PREX1: variants seen among roughly 807,000 people sequenced by gnomAD.
PREX1 encodes the protein phosphatidylinositol 3,4,5-trisphosphate-dependent Rac exchanger 1 protein.
A neutral mutation model predicts 198.3 loss-of-function variants in PREX1; 41 were observed. The observed-to-expected ratio is 0.21, with a 90% CI of 0.16 to 0.27. PREX1 has a LOEUF of 0.27. Ranked by LOEUF, PREX1 falls within the 10% of genes least tolerant of loss-of-function variation. The probability of loss-of-function intolerance (pLI) is 1.00; values close to 1 mark genes in which losing one functional copy is unlikely to be tolerated. For synonymous variants in PREX1, 843 were observed against 887.2 expected (o/e 0.95, Z 0.89); for missense variants, 1,620 against 2,200.7 (o/e 0.74, Z 5.28).
chr20:48,727,949 G>A (rs1166294094), intron 4 of PREX1, among the ~76,000 whole-genome samples: 1 of 152,184 alleles, frequency 6.6e-6, no homozygotes, highest in Non-Finnish European at 1.5e-5. Flanking sequence ...TCCCTGCCAT[G>A]CCCTTCACAG....
At chr20:48,757,271 AC>A (rs2090159579) in intron 1 of PREX1, among the ~76,000 whole-genome samples, 1 of 150,508 alleles carries the variant, frequency 6.6e-6, no homozygotes, top group South Asian at 2.2e-4. Flanking sequence ...CTGTTTCTTC[AC>A]TTACAGTTCC....
chr20:48,819,075 A>G (rs1286019378), intron 1 of PREX1, among the ~76,000 whole-genome samples: 1 of 152,204 alleles, frequency 6.6e-6, no homozygotes, highest in Admixed American at 6.5e-5. Context: ...CGGTACACCC[A>G]TTCCTCTCTG....
rs966478861 is a variant in PREX1, at chr20:48,670,401, C to A, written c.1666-4046G>T. On this transcript the variant is annotated intron_variant, in intron 14 of 39. Transcript: ENST00000371941. ...GCATTCCAGGTGCATTTCTGCAGAG[C>A]CAGCATGGGAGCATGCAGATCTGTG... Among the ~76,000 whole-genome samples the A allele has an allele frequency of 7.9e-5, 12 of 152,134 alleles. No individual in the cohort carries two copies. In the South Asian group the frequency reaches 2.1e-3, roughly 26 times the overall value.
At chr20:48,806,180 T>C (rs1480671607) in intron 1 of PREX1, among the ~76,000 whole-genome samples, 2 of 152,126 alleles carry the variant, frequency 1.3e-5, no homozygotes, top group African/African-American at 4.8e-5. Context: ...TATGTCCCCT[T>C]TGGGGGAGGG....
At chr20:48,800,550 G>A (rs2090381900) in intron 1 of PREX1, among the ~76,000 whole-genome samples, 1 of 152,146 alleles carries the variant, frequency 6.6e-6, no homozygotes, top group African/African-American at 2.4e-5. Context: ...GTCCTGTGAG[G>A]TGGGAGCTTT....
chr20:48,823,876 A>G (rs563396395), intron 1 of PREX1, among the ~76,000 whole-genome samples: 1 of 152,170 alleles, frequency 6.6e-6, no homozygotes, highest in South Asian at 2.1e-4. Flanking sequence ...TGTCCACCTG[A>G]CCCAGAGCAG....
At chr20:48,695,631 A>G (rs946573417) in intron 7 of PREX1, among the ~76,000 whole-genome samples, 8 of 152,242 alleles carry the variant, frequency 5.3e-5, no homozygotes, top group African/African-American at 1.9e-4. Context: ...GTAGGAGCTC[A>G]TTAATATTTA....
chr20:48,722,071 G>A (rs2089988771), intron 5 of PREX1, among the ~76,000 whole-genome samples: 1 of 152,200 alleles, frequency 6.6e-6, no homozygotes, highest in African/African-American at 2.4e-5. Flanking sequence ...GACAAGCCCA[G>A]GGTCTAGGGG....
chr20:48,754,457 C>T (rs1476980607), intron 1 of PREX1, among the ~76,000 whole-genome samples: 1 of 152,176 alleles, frequency 6.6e-6, no homozygotes, highest in Non-Finnish European at 1.5e-5. Flanking sequence ...CCCTGGGGAG[C>T]TGCCATCTGC....
At chr20:48,694,395 C>T (rs2089834942) in intron 7 of PREX1, among the ~76,000 whole-genome samples, 1 of 152,182 alleles carries the variant, frequency 6.6e-6, no homozygotes, top group African/African-American at 2.4e-5. Flanking sequence ...TACTATGTGC[C>T]AGGCACTGTT....
chr20:48,705,365 A>G (rs73150028), intron 6 of PREX1, among the ~76,000 whole-genome samples: 23,708 of 152,264 alleles, frequency 0.16, 2,201 homozygotes, highest in Middle Eastern at 0.29. Context: ...GGTAAAAAAC[A>G]CACATATGGG....
At chr20:48,689,240 T>C (rs376731120) in intron 9 of PREX1, among the ~76,000 whole-genome samples, 45 of 152,288 alleles carry the variant, frequency 3.0e-4, no homozygotes, top group African/African-American at 8.4e-4. Flanking sequence ...CCAACACTCA[T>C]AGGACCTGAC....
chr20:48,847,364 T>TAA, the PREX1 span, among the ~76,000 whole-genome samples: 151 of 77,136 alleles, frequency 2.0e-3, 1 homozygote, highest in African/African-American at 6.2e-3. Context: ...CCTTCTCTTA[T>TAA]AAAAAAAAAA....
chr20:48,646,490 CTGGCCAACA>C (rs1200275437), intron 25 of PREX1, among the ~76,000 whole-genome samples: 10 of 152,172 alleles, frequency 6.6e-5, no homozygotes, highest in Admixed American at 3.3e-4. Flanking sequence ...TGAGACCAGC[CTGGCCAACA>C]TGGCCAACAT....
the PREX1 span, among the ~76,000 whole-genome samples, chr20:48,840,351 A>G: frequency 1.4e-4 from 21 of 147,096 alleles, no homozygotes; most frequent in African/African-American, 5.1e-4. Flanking sequence ...AAAAAAAAAA[A>G]AAAGAAAAAA....
chr20:48,741,891 G>A (rs913592679), intron 3 of PREX1, among the ~76,000 whole-genome samples: 13 of 152,230 alleles, frequency 8.5e-5, no homozygotes, highest in Admixed American at 2.0e-4. Flanking sequence ...GAGGAGATCC[G>A]TGTGGCTAGA....
chr20:48,657,125 G>A lies in PREX1; in HGVS notation c.2038C>T (p.Pro680Ser), dbSNP rs2089551419. 1 of 1,612,598 alleles carries A rather than the reference G, an allele frequency of 6.2e-7. No individual in the cohort carries two copies. The highest frequency in any genetic ancestry group is 1.3e-5 in the African/African-American group (1 of 74,904). The change falls in exon 18 of 40, where the codon CCG (proline) becomes TCG (serine). Residue 680 changes from proline to serine, a missense_variant. Coordinates refer to ENST00000371941, the MANE Select transcript of PREX1 (RefSeq NM_020820.4). The part of the protein sequence containing the change: ...SINEDLVFLR[P>S]FSEVESILNQ... ...AGGATGGACTCCACCTCTGAAAACG[G>A]CCGCAGGAACACCAGGTCCTCATTG...
chr20:48,809,035 C>A (rs763115262), intron 1 of PREX1, among the ~76,000 whole-genome samples: 1 of 152,194 alleles, frequency 6.6e-6, no homozygotes, highest in South Asian at 2.1e-4. Context: ...CTCATCGACA[C>A]AATAAACAGG....
chr20:48,669,176 C>A (rs987461318), intron 14 of PREX1, among the ~76,000 whole-genome samples: 6 of 151,674 alleles, frequency 4.0e-5, no homozygotes, highest in African/African-American at 4.8e-5. Context: ...CCCCCAGGTG[C>A]CCTCTGCACA....
Sources: gnomAD v4.1 joint callset for allele counts (sites outside exome capture counted in the v4.1 genomes callset) on GRCh38, gnomAD v4.1.1 for gene constraint, MANE v1.5 for transcripts, NCBI Gene and HGNC (gene_info 2026-07-23, HGNC 2026-07-21) for gene names.